The following WNK2 variants were observed in gnomAD, a reference collection of about 807,000 sequenced individuals.
WNK2 encodes WNK lysine deficient protein kinase 2, also known as serine/threonine-protein kinase WNK2.
Under a neutral mutation model 192.1 loss-of-function variants are expected in WNK2, and 67 were observed. That is an observed-to-expected ratio of 0.35 (90% confidence interval 0.29 to 0.43). WNK2 has a LOEUF of 0.43. WNK2 is among the 20% of genes least tolerant of loss of function. The probability of loss-of-function intolerance (pLI) is 1.00; values close to 1 mark genes in which losing one functional copy is unlikely to be tolerated. For synonymous variants in WNK2, 1,439 were observed against 1,393.9 expected (o/e 1.03, Z -0.72); for missense variants, 2,698 against 3,089.7 (o/e 0.87, Z 3.01).
At chr9:93,203,094 T>C (rs1106952) in intron 2 of WNK2, among the ~76,000 whole-genome samples, 84,683 of 150,784 alleles carry the variant, frequency 0.56, 24,911 homozygotes, top group Non-Finnish European at 0.64. Flanking sequence ...GCAGTGATGC[T>C]TCTGCTGGAG....
At position 93,259,472 on chromosome 9, in the gene WNK2, C is replaced by A; in HGVS notation, c.2924C>A (p.Pro975His). 6.7e-7 allele frequency: 1 copy of A among 1,494,708 alleles called. No homozygotes were observed. The highest frequency in any genetic ancestry group is 2.0e-5 in the Admixed American group (1 of 51,242). 92.6% of individuals were successfully genotyped at this position (1,494,708 alleles called of 1,614,324 possible). Residue 975 changes from proline to histidine, a missense_variant, in exon 12 of 30, where the codon CCC (proline) becomes CAC (histidine). Coordinates refer to ENST00000427277, the MANE Select transcript of WNK2 (RefSeq NM_006648.4). This position sits in a 1 kb window ranked among gnomAD's most constrained non-coding sequence, Gnocchi z 4.8. ...QPVLPPQPTR[P>H]PQPVLPPQPM... ...GTGTTGCCCCCGCAACCCACACGGC[C>A]CCCTCAACCTGTGCTGCCCCCGCAA... is the stretch of plus-strand genomic sequence containing the variant.
At chr9:93,318,012 C>A in intron 29 of WNK2, 4 of 1,612,822 alleles carry the variant, frequency 2.5e-6, no homozygotes, top group Non-Finnish European at 2.5e-6. Context: ...CGGCTTCAGA[C>A]CCTGTTCGCT....
chr9:93,260,142 A>G (rs977268432), intron 12 of WNK2, among the ~76,000 whole-genome samples: 32 of 152,188 alleles, frequency 2.1e-4, no homozygotes, highest in African/African-American at 7.7e-4. Flanking sequence ...ATGTCAGGTC[A>G]GGCGGATACC....
At chr9:93,295,216 A>G (rs1307342727) in intron 23 of WNK2, among the ~76,000 whole-genome samples, 1 of 152,110 alleles carries the variant, frequency 6.6e-6, no homozygotes, top group Admixed American at 6.5e-5. Context: ...GAGCTGGACC[A>G]TGTGGGTGCG....
At chr9:93,309,130 G>A (rs1317176495) in intron 28 of WNK2, 2 of 986,222 alleles carry the variant, frequency 2.0e-6, no homozygotes, top group African/African-American at 3.5e-5. Flanking sequence ...CAGCTTTCTG[G>A]AGGGGTTTGT....
chr9:93,318,433 C>T, intron 29 of WNK2: 1 of 1,614,120 alleles, frequency 6.2e-7, no homozygotes, highest in Non-Finnish European at 8.5e-7. Context: ...GACGCTGGGG[C>T]AGGGCACACT....
intron 2 of WNK2, among the ~76,000 whole-genome samples, chr9:93,187,816 C>A (rs1028987659): frequency 6.6e-6 from 1 of 151,450 alleles, no homozygotes; most frequent in Non-Finnish European, 1.5e-5. Context: ...GGCTGCTGGG[C>A]GTGTGGAACG....
rs376304521 is a variant in WNK2 at position 93,238,920 on chromosome 9, T to G, written c.1322+599T>G. Among the ~76,000 whole-genome samples, 58 of 151,846 alleles carry G rather than the reference T, an allele frequency of 3.8e-4. No individual in the cohort carries two copies. The East Asian group carries it at 0.011, about 28-fold the overall frequency. On this transcript the variant is annotated intron_variant, in intron 6 of 29. Transcript: ENST00000427277. ...GCCTTCCCTCCCCCTCACACTGGAG[T>G]ACACCCACCATCTGACGTGACACCC...
At chr9:93,310,410 AGGGTTTTTTTAAACTTTTATTTTTGTCAT>A (rs929598840) in intron 28 of WNK2, among the ~76,000 whole-genome samples, 3 of 150,242 alleles carry the variant, frequency 2.0e-5, no homozygotes, top group African/African-American at 7.4e-5. Context: ...TTAAGTGTTA[AGGGTTTTTTTAAACTTTTATTTTTGTCAT>A]GGCAAAAAAA....
chr9:93,310,122 C>G (rs1853379294), intron 28 of WNK2, among the ~76,000 whole-genome samples: 1 of 152,178 alleles, frequency 6.6e-6, no homozygotes, highest in African/African-American at 2.4e-5. Context: ...GTTCCCTTCT[C>G]TCCACATCCA....
At chr9:93,230,764 C>A (rs530835936) in intron 3 of WNK2, 124 bp from the exon 4 acceptor site, 1 of 881,396 alleles carries the variant, frequency 1.1e-6, no homozygotes, top group Non-Finnish European at 1.7e-6. Flanking sequence ...CTACCTGTCA[C>A]GGGTATGTGC....
At chr9:93,226,452 CT>C (rs994187563) in intron 2 of WNK2, among the ~76,000 whole-genome samples, 15 of 150,384 alleles carry the variant, frequency 1.0e-4, no homozygotes, top group Non-Finnish European at 1.8e-4. Context: ...GATTTTTTTC[CT>C]TTTTTTTTGT....
intron 26 of WNK2, among the ~76,000 whole-genome samples, chr9:93,301,780 A>T (rs560757474): frequency 6.6e-6 from 1 of 152,092 alleles, no homozygotes; most frequent in African/African-American, 2.4e-5. Flanking sequence ...AGTGTCAGGT[A>T]TGGCGCCTAC....
chr9:93,297,709 C>T (rs1254194572), intron 23 of WNK2, 144 bp from the exon 24 acceptor site: 2 of 783,806 alleles, frequency 2.6e-6, no homozygotes, highest in Non-Finnish European at 2.0e-6. Context: ...CTGTGTGCCG[C>T]TTTAGAGTGG....
At position 93,191,221 on chromosome 9, in the gene WNK2, T is replaced by A. The variant is rs78229544; in HGVS notation, c.681+5611T>A. Among the ~76,000 whole-genome samples the A allele has an allele frequency of 7.0e-3, 1,064 of 152,114 alleles. 16 individuals carry two copies. Among genetic ancestry groups the A allele is most frequent in the African/African-American group, 0.024 (994 of 41,468 alleles). On this transcript the variant is annotated intron_variant, in intron 2 of 29. Coordinates refer to ENST00000427277, the MANE Select transcript of WNK2 (RefSeq NM_006648.4). ...GTCATTTCCGGGGACAGCTGGGGGC[T>A]TACTCTGAGGTTGCGTAAAGCTTTA...
At chr9:93,226,868 C>G (rs1837908578) in intron 2 of WNK2, among the ~76,000 whole-genome samples, 1 of 152,128 alleles carries the variant, frequency 6.6e-6, no homozygotes, top group Non-Finnish European at 1.5e-5. Flanking sequence ...TTCACCTGGC[C>G]CCAAATGTTT....
At chr9:93,192,467 G>A (rs895368799) in intron 2 of WNK2, among the ~76,000 whole-genome samples, 6 of 152,134 alleles carry the variant, frequency 3.9e-5, no homozygotes, top group Non-Finnish European at 8.8e-5. Flanking sequence ...TAATCTGAGT[G>A]CTTTGTAGGT....
chr9:93,234,099 C>A (rs938625511), intron 4 of WNK2, among the ~76,000 whole-genome samples: 1 of 152,222 alleles, frequency 6.6e-6, no homozygotes, highest in African/African-American at 2.4e-5. Context: ...CACGTCTAGC[C>A]TCATGCTCAT....
At chr9:93,286,557 G>A (rs1457476745) in intron 19 of WNK2, among the ~76,000 whole-genome samples, 1 of 152,242 alleles carries the variant, frequency 6.6e-6, no homozygotes, top group Non-Finnish European at 1.5e-5. Flanking sequence ...TTTGTGCAGT[G>A]TGGTGTGAGT....
Sources: gnomAD v4.1 joint callset for allele counts (sites outside exome capture counted in the v4.1 genomes callset) on GRCh38, gnomAD v4.1.1 for gene constraint, Gnocchi (gnomAD v3.1) non-coding constraint, MANE v1.5 for transcripts, NCBI Gene and HGNC (gene_info 2026-07-23, HGNC 2026-07-21) for gene names.